Variants in MGAT4C observed in about 807,000 individuals in gnomAD.
MGAT4C encodes MGAT4 family member C, also known as alpha-1,3-mannosyl-glycoprotein 4-beta-N-acetylglucosaminyltransferase C.
Under a neutral mutation model 40.1 loss-of-function variants are expected in MGAT4C, and 19 were observed. That is an observed-to-expected ratio of 0.47 (90% CI 0.33 to 0.70). MGAT4C has a LOEUF of 0.70. MGAT4C is among the 30% of genes least tolerant of loss of function. The pLI is 0.02. For synonymous variants in MGAT4C, 181 were observed against 187.1 expected, an observed-to-expected ratio of 0.97 and a Z score of 0.27; for missense variants, 491 against 563.2, an observed-to-expected ratio of 0.87 and a Z score of 1.30.
intron 1 of MGAT4C, among the ~76,000 whole-genome samples, chr12:86,144,384 G>A (rs946943107): frequency 4.6e-5 from 7 of 151,990 alleles, no homozygotes; most frequent in Non-Finnish European, 1.0e-4. Context: ...TTATACCCTC[G>A]AGTACAGGTC....
intron 1 of MGAT4C, among the ~76,000 whole-genome samples, chr12:86,763,983 A>G (rs977766546): frequency 5.3e-5 from 8 of 152,144 alleles, no homozygotes; most frequent in Non-Finnish European, 1.2e-4. Context: ...TACCGGGTTC[A>G]TATCACTAGG....
intron 2 of MGAT4C, among the ~76,000 whole-genome samples, chr12:86,554,952 T>C (rs1390241978): frequency 6.6e-6 from 1 of 152,090 alleles, no homozygotes; most frequent in Non-Finnish European, 1.5e-5. Context: ...CCGAATTCCT[T>C]AGCTTATGGC....
chr12:86,025,763 A>G (rs61931109), intron 2 of MGAT4C, among the ~76,000 whole-genome samples: 24,060 of 151,470 alleles, frequency 0.16, 2,266 homozygotes, highest in African/African-American at 0.27. Context: ...GAAAAAATGA[A>G]GCTTTCAGGG....
At chr12:86,485,496 AT>A (rs1436806547) in intron 2 of MGAT4C, among the ~76,000 whole-genome samples, 5 of 87,090 alleles carry the variant, frequency 5.7e-5, no homozygotes, top group African/African-American at 1.5e-4. Context: ...GAAATTGAAC[AT>A]TAGTTCTTCA....
chr12:86,767,414 C>G (rs1280037326), intron 1 of MGAT4C, among the ~76,000 whole-genome samples: 3 of 152,190 alleles, frequency 2.0e-5, no homozygotes, highest in Non-Finnish European at 4.4e-5. Context: ...GATGGATTCA[C>G]AGCTGAATTC....
At chr12:86,700,066 A>AGATAGATAGAT (rs1555220815) in intron 2 of MGAT4C, among the ~76,000 whole-genome samples, 6 of 11,432 alleles carry the variant, frequency 5.2e-4, no homozygotes, top group Non-Finnish European at 2.9e-3. Flanking sequence ...ATAGATAGAT[A>AGATAGATAGAT]AGATAGATAG....
rs540846288 is a variant in MGAT4C, at chr12:86,205,673, T to G, written c.-57+50566A>C. On this transcript the variant is annotated intron_variant, in intron 1 of 4. Coordinates refer to ENST00000611864, the MANE Select transcript of MGAT4C (RefSeq NM_001351288.2). Reference sequence around the variant, plus strand: ...TTAAACCCTTCAACTACTAGAAGCCTTTAATGCAGATTGATAAATGTGTAC... The same window carrying G: ...TTAAACCCTTCAACTACTAGAAGCCGTTAATGCAGATTGATAAATGTGTAC... 2.5e-3 allele frequency among the ~76,000 whole-genome samples: 382 copies of G among 152,162 alleles called. 1 individual carries two copies. The highest frequency in any genetic ancestry group is 4.8e-3 in the Non-Finnish European group (328 of 67,916).
intron 3 of MGAT4C, among the ~76,000 whole-genome samples, chr12:86,338,912 T>C (rs547797867): frequency 1.1e-4 from 13 of 123,520 alleles, no homozygotes; most frequent in African/African-American, 3.6e-4. Context: ...TGAGCTGAGA[T>C]AGTGCCACTG....
intron 1 of MGAT4C, among the ~76,000 whole-genome samples, chr12:86,136,731 C>T (rs1207123971): frequency 2.0e-5 from 3 of 151,820 alleles, no homozygotes; most frequent in Admixed American, 6.6e-5. Context: ...TCTTGTCATC[C>T]GGTCCGGCAT....
chr12:86,373,040 A>G (rs1009275352), intron 3 of MGAT4C, among the ~76,000 whole-genome samples: 31 of 151,600 alleles, frequency 2.0e-4, no homozygotes, highest in Middle Eastern at 3.4e-3. Flanking sequence ...GAAGGCAACA[A>G]TTATTTATAT....
chr12:86,359,194 C>T (rs1320126309), intron 3 of MGAT4C, among the ~76,000 whole-genome samples: 27 of 152,158 alleles, frequency 1.8e-4, no homozygotes, highest in Admixed American at 1.8e-3. Context: ...CGCTCAACTA[C>T]ATGGAAACTG....
chr12:86,587,624 T>G (rs1204827831), intron 2 of MGAT4C, among the ~76,000 whole-genome samples: 2 of 152,084 alleles, frequency 1.3e-5, no homozygotes, highest in Non-Finnish European at 2.9e-5. Context: ...TTTATTTCCT[T>G]GAGCAGTGGT....
At chr12:86,759,959 A>G (rs1471187046) in intron 1 of MGAT4C, among the ~76,000 whole-genome samples, 3 of 152,146 alleles carry the variant, frequency 2.0e-5, no homozygotes, top group African/African-American at 7.2e-5. Flanking sequence ...AAGACCCCAA[A>G]TAGCCAAAAC....
intron 1 of MGAT4C, among the ~76,000 whole-genome samples, chr12:86,805,340 A>G (rs12366517): frequency 0.32 from 48,640 of 151,644 alleles, 9,535 homozygotes; most frequent in Admixed American, 0.46. Flanking sequence ...ATAGTATATG[A>G]TAGGTATTCA....
intron 1 of MGAT4C, among the ~76,000 whole-genome samples, chr12:86,095,006 C>A (rs533160547): frequency 6.6e-6 from 1 of 152,128 alleles, no homozygotes; most frequent in Admixed American, 6.6e-5. Context: ...TCCCAATATC[C>A]ATTCTCCCCT....
At chr12:86,490,624 C>A (rs1958113999) in intron 2 of MGAT4C, among the ~76,000 whole-genome samples, 1 of 152,044 alleles carries the variant, frequency 6.6e-6, no homozygotes, top group South Asian at 2.1e-4. Context: ...AAGACACAGA[C>A]TGGCAAATTG....
chr12:86,562,448 G>A (rs896535936), intron 2 of MGAT4C, among the ~76,000 whole-genome samples: 12 of 151,914 alleles, frequency 7.9e-5, no homozygotes, highest in African/African-American at 2.9e-4. Flanking sequence ...GGCTTTTTTT[G>A]CCAGAGGAAA....
intron 2 of MGAT4C, among the ~76,000 whole-genome samples, chr12:86,680,381 T>A (rs1452812361): frequency 1.3e-5 from 2 of 151,900 alleles, no homozygotes; most frequent in Non-Finnish European, 2.9e-5. Flanking sequence ...ACTTTACAAA[T>A]GAGGAGAATG....
At chr12:86,599,216 T>G (rs912331686) in intron 2 of MGAT4C, among the ~76,000 whole-genome samples, 2 of 152,126 alleles carry the variant, frequency 1.3e-5, no homozygotes, top group Non-Finnish European at 2.9e-5. Flanking sequence ...ATATGTCAGA[T>G]ATGAATAATA....
Sources: allele counts gnomAD v4.1 joint callset (sites outside exome capture counted in the v4.1 genomes callset), GRCh38; gene constraint gnomAD v4.1.1; transcripts MANE v1.5; gene names NCBI Gene and HGNC (gene_info 2026-07-23, HGNC 2026-07-21).